The following SHLD1 variants were observed in gnomAD, a reference collection of about 807,000 sequenced individuals.
The protein encoded by SHLD1 is RINN1-REV7-interacting novel NHEJ regulator 3.
In SHLD1, 3 loss-of-function variants were observed where a neutral mutation model predicts 5.5. That is an observed-to-expected ratio of 0.54 (90% CI 0.25 to 1.40). The LOEUF (loss-of-function observed/expected upper bound fraction) is 1.40, where lower values mean the gene tolerates loss of function less well. SHLD1 is among the 40% of genes most tolerant of loss of function. The pLI is 0.15. For synonymous variants in SHLD1, 92 were observed against 94.3 expected (o/e 0.98, Z 0.14); for missense variants, 210 against 244.4 (o/e 0.86, Z 0.94).
chr20:5,770,337 A>G (rs888609816), intron 1 of SHLD1, among the ~76,000 whole-genome samples: 9 of 152,188 alleles, frequency 5.9e-5, no homozygotes, highest in African/African-American at 2.2e-4. Context: ...CTTTAATGTC[A>G]GTGCAGTTTG....
chr20:5,765,094 A>G (rs1387446452), intron 1 of SHLD1: 1 of 148,376 alleles, frequency 6.7e-6, no homozygotes, highest in Non-Finnish European at 1.5e-5. Context: ...TTTTTTACAG[A>G]CAAGGTCTTG....
chr20:5,849,819 C>T (rs1369070033), intron 2 of SHLD1, among the ~76,000 whole-genome samples: 4 of 150,452 alleles, frequency 2.7e-5, no homozygotes, highest in Non-Finnish European at 4.4e-5. Flanking sequence ...ATTAGCCGGG[C>T]GCGGTGGCGG....
intron 2 of SHLD1, among the ~76,000 whole-genome samples, chr20:5,817,430 CTCTGTGTGTGTGTG>C (rs1410694467): frequency 2.0e-5 from 2 of 99,512 alleles, no homozygotes; most frequent in African/African-American, 9.4e-5. Context: ...CTCTCTCTCT[CTCTGTGTGTGTGTG>C]TGTGTGTGTG....
chr20:5,819,213 C>T (rs1279517182), intron 2 of SHLD1, among the ~76,000 whole-genome samples: 2 of 152,020 alleles, frequency 1.3e-5, no homozygotes, highest in African/African-American at 4.8e-5. Context: ...ACTTAGGTTC[C>T]CCCTAGTGGA....
At chr20:5,787,680 G>C (rs1311573386) in intron 2 of SHLD1, among the ~76,000 whole-genome samples, 1 of 152,140 alleles carries the variant, frequency 6.6e-6, no homozygotes, top group Non-Finnish European at 1.5e-5. Flanking sequence ...GCACATGGTA[G>C]GTGCTCAGTA....
At chr20:5,852,811 T>TA (rs1600180975) in intron 2 of SHLD1, among the ~76,000 whole-genome samples, 4 of 152,302 alleles carry the variant, frequency 2.6e-5, no homozygotes, top group East Asian at 3.9e-4. Context: ...TAAAGTTTTT[T>TA]AAAAAAATCC....
chr20:5,844,442 C>T (rs1192518722), intron 2 of SHLD1, among the ~76,000 whole-genome samples: 1 of 152,134 alleles, frequency 6.6e-6, no homozygotes, highest in Non-Finnish European at 1.5e-5. Context: ...TGCAGGTCCC[C>T]CTTAGAGGGA....
In SHLD1 at chr20:5,854,593, G is replaced by A. The variant is rs114187274; in HGVS notation, c.179-8431G>A. On this transcript the variant is annotated intron_variant, in intron 2 of 2. Transcript: ENST00000303142. The stretch of plus-strand genomic sequence containing the variant: ...TTTAGATATTAGCTTTGTAAGAAAC[G>A]TAAGGCAGGGAAGGGAGATAGCGAC... 5.2e-3 allele frequency among the ~76,000 whole-genome samples: 785 copies of A among 152,290 alleles called. 8 individuals are homozygous for A. Among genetic ancestry groups the A allele is most frequent in the African/African-American group, 0.018 (738 of 41,552 alleles).
At chr20:5,775,440 T>A (rs565340107) in intron 2 of SHLD1, among the ~76,000 whole-genome samples, 1 of 152,318 alleles carries the variant, frequency 6.6e-6, no homozygotes, top group East Asian at 1.9e-4. Flanking sequence ...TTACTTTTTA[T>A]TGCCTGTTAG....
At chr20:5,831,723 T>C (rs1339232930) in intron 2 of SHLD1, among the ~76,000 whole-genome samples, 1 of 152,094 alleles carries the variant, frequency 6.6e-6, no homozygotes, top group Non-Finnish European at 1.5e-5. Flanking sequence ...GCCGAATCCC[T>C]TTGATCTCTC....
chr20:5,854,320 A>AT (rs1011833241), intron 2 of SHLD1, among the ~76,000 whole-genome samples: 11 of 151,592 alleles, frequency 7.3e-5, no homozygotes, highest in East Asian at 3.9e-4. Context: ...GTTTTTTGGT[A>AT]TTTTTTTGGT....
intron 2 of SHLD1, among the ~76,000 whole-genome samples, chr20:5,797,323 G>A (rs973692474): frequency 6.6e-6 from 1 of 152,170 alleles, no homozygotes; most frequent in African/African-American, 2.4e-5. Flanking sequence ...CACTTTGGGA[G>A]CCTGAGTTAG....
chr20:5,772,623 A>G (rs1424491666), intron 1 of SHLD1, among the ~76,000 whole-genome samples: 3 of 152,070 alleles, frequency 2.0e-5, no homozygotes, highest in African/African-American at 2.4e-5. Context: ...GACCTTTAAA[A>G]TTTTTTGGGT....
At chr20:5,833,513 A>C (rs1351615707) in intron 2 of SHLD1, among the ~76,000 whole-genome samples, 1 of 152,048 alleles carries the variant, frequency 6.6e-6, no homozygotes, top group East Asian at 1.9e-4. Context: ...GGGCAATGTG[A>C]CATTTGCATT....
intron 2 of SHLD1, among the ~76,000 whole-genome samples, chr20:5,776,528 C>T (rs949762827): frequency 3.9e-5 from 6 of 151,994 alleles, no homozygotes; most frequent in African/African-American, 1.2e-4. Context: ...TTTGGGAGGC[C>T]GAGGCGGGTG....
intron 2 of SHLD1, among the ~76,000 whole-genome samples, chr20:5,804,036 C>T (rs1246851224): frequency 2.0e-5 from 3 of 151,884 alleles, no homozygotes; most frequent in Non-Finnish European, 4.4e-5. Flanking sequence ...TATGGCCGGG[C>T]GCAGTGGCTC....
At chr20:5,791,827 C>G (rs954808929) in intron 2 of SHLD1, among the ~76,000 whole-genome samples, 6 of 152,146 alleles carry the variant, frequency 3.9e-5, no homozygotes, top group African/African-American at 7.2e-5. Flanking sequence ...CAGGTCAATA[C>G]ACAATTCAGT....
intron 2 of SHLD1, among the ~76,000 whole-genome samples, chr20:5,839,638 A>G (rs1239441084): frequency 6.6e-6 from 1 of 152,218 alleles, no homozygotes; most frequent in Non-Finnish European, 1.5e-5. Context: ...AGCTCCCTAG[A>G]CCATAAAAGC....
chr20:5,793,487 G>A (rs927790863), intron 2 of SHLD1, among the ~76,000 whole-genome samples: 2 of 152,112 alleles, frequency 1.3e-5, no homozygotes, highest in Non-Finnish European at 2.9e-5. Flanking sequence ...TTCCTATATA[G>A]TCAAGCTTAT....
Sources: gnomAD v4.1 joint callset for allele counts (sites outside exome capture counted in the v4.1 genomes callset) on GRCh38, gnomAD v4.1.1 for gene constraint, MANE v1.5 for transcripts, NCBI Gene and HGNC (gene_info 2026-07-23, HGNC 2026-07-21) for gene names.